GSTT4: variants seen among roughly 807,000 people sequenced by gnomAD.
GSTT4 encodes glutathione S-transferase theta-4.
At chr22:23,995,373 C>T (rs1250838144), downstream of GSTT4, among the ~76,000 whole-genome samples, 3 of 152,172 alleles carry the variant, frequency 2.0e-5, no homozygotes, top group African/African-American at 4.8e-5. Context: ...CAGTAGCGTA[C>T]ACTTCCTTGT....
chr22:23,989,687 G>A, the GSTT4 span, among the ~76,000 whole-genome samples: 43 of 151,318 alleles, frequency 2.8e-4, 1 homozygote, highest in Admixed American at 1.8e-3. Context: ...CTCAGCCCCC[G>A]GTGGCTCAGC....
At chr22:23,998,372 T>C (rs2146224521), downstream of GSTT4, 1 of 152,414 alleles carries the variant, frequency 6.6e-6, no homozygotes, top group East Asian at 1.9e-4. Flanking sequence ...ACCCTATGCA[T>C]ATGCCAACTG....
At chr22:23,989,877 T>C in the GSTT4 span, among the ~76,000 whole-genome samples, 75,016 of 146,458 alleles carry the variant, frequency 0.51, 16,766 homozygotes, top group South Asian at 0.61. Context: ...GTGGGCCTCT[T>C]TGCCCTTCTA....
chr22:23,993,471 A>G (rs1030636027), downstream of GSTT4, among the ~76,000 whole-genome samples: 2 of 151,668 alleles, frequency 1.3e-5, no homozygotes, highest in Non-Finnish European at 1.5e-5. Flanking sequence ...AATCAGACAG[A>G]GTTTATTTTC....
intron 4 of GSTT4, among the ~76,000 whole-genome samples, chr22:23,999,093 G>A (rs1485122821): frequency 6.6e-6 from 1 of 152,192 alleles, no homozygotes; most frequent in African/African-American, 2.4e-5. Flanking sequence ...GGATGAGGGA[G>A]AGAACTCAGG....
the GSTT4 span, among the ~76,000 whole-genome samples, chr22:23,991,004 C>CAATAGTAATAAT: frequency 1.3e-5 from 1 of 74,358 alleles, no homozygotes; most frequent in African/African-American, 4.0e-5. Context: ...GACCTCCTCT[C>CAATAGTAATAAT]AATAATAATA....
At chr22:24,003,593 A>G (rs1049627422) in intron 2 of GSTT4, among the ~76,000 whole-genome samples, 167 bp downstream of exon 2, 1 of 152,296 alleles carries the variant, frequency 6.6e-6, no homozygotes, top group Non-Finnish European at 1.5e-5. Flanking sequence ...GGCAAGAGTC[A>G]GAGCTGGGCG....
the GSTT4 span, among the ~76,000 whole-genome samples, chr22:23,991,913 C>T: frequency 2.8e-4 from 41 of 144,276 alleles, no homozygotes; most frequent in Admixed American, 2.0e-3. Context: ...ATTAGCCGGG[C>T]GGGGTGGCGG....
At chr22:24,000,806 C>T (rs2034213815) in intron 3 of GSTT4, among the ~76,000 whole-genome samples, 1 of 112,926 alleles carries the variant, frequency 8.9e-6, no homozygotes, top group South Asian at 3.1e-4. Flanking sequence ...AGTGATCTGC[C>T]CGCCTCGGCC....
At chr22:23,990,622 TAATAAATAAATA>T in the GSTT4 span, among the ~76,000 whole-genome samples, 2 of 66,494 alleles carry the variant, frequency 3.0e-5, no homozygotes, top group East Asian at 2.8e-4. Flanking sequence ...TGAGACACTG[TAATAAATAAATA>T]AATAAATAAA....
intron 4 of GSTT4, 80 bp from the exon 5 acceptor site, chr22:23,998,819 C>T (rs1361303753): frequency 8.8e-3 from 1,358 of 154,226 alleles, no homozygotes; most frequent in Non-Finnish European, 0.013. Flanking sequence ...CTCAGGCCCA[C>T]GTCCCTAACA....
intron 1 of GSTT4, chr22:24,004,526 C>A: frequency 6.5e-6 from 1 of 153,946 alleles, no homozygotes; most frequent in Non-Finnish European, 1.4e-5. Flanking sequence ...CTCTGACCCT[C>A]ACTCAGGGTT....
At chr22:23,989,739 CA>C in the GSTT4 span, among the ~76,000 whole-genome samples, 1 of 150,922 alleles carries the variant, frequency 6.6e-6, no homozygotes, top group East Asian at 2.0e-4. Context: ...GCTCCCTCCC[CA>C]CTGGGGGTTC....
chr22:24,003,258 C>A (rs2034275954), intron 2 of GSTT4, among the ~76,000 whole-genome samples: 1 of 152,014 alleles, frequency 6.6e-6, no homozygotes, highest in South Asian at 2.1e-4. Context: ...GTTGCCCACG[C>A]TGAAGTGCAA....
downstream of GSTT4, chr22:23,998,351 T>TCCCA (rs1474500085): frequency 6.6e-6 from 1 of 152,132 alleles, no homozygotes; most frequent in African/African-American, 2.4e-5. Flanking sequence ...CACCACCCAC[T>TCCCA]CCCACATCAG....
At chr22:23,997,255 T>G (rs2034125218), downstream of GSTT4, among the ~76,000 whole-genome samples, 1 of 152,132 alleles carries the variant, frequency 6.6e-6, no homozygotes, top group East Asian at 1.9e-4. Context: ...TTCTTCTATG[T>G]GCCCAGGCTG....
the GSTT4 span, among the ~76,000 whole-genome samples, chr22:23,992,010 G>A: frequency 1.5e-5 from 2 of 131,006 alleles, no homozygotes; most frequent in Admixed American, 9.2e-5. Flanking sequence ...CCGAGCTCAC[G>A]CCACTGCACT....
chr22:23,999,805 C>T (rs2034185997), intron 4 of GSTT4, among the ~76,000 whole-genome samples: 2 of 150,712 alleles, frequency 1.3e-5, no homozygotes, highest in South Asian at 2.1e-4. Context: ...ATGCAGTGTT[C>T]TTCTCTATCC....
the GSTT4 span, among the ~76,000 whole-genome samples, chr22:23,990,873 A>T: frequency 1.9e-3 from 128 of 66,674 alleles, no homozygotes; most frequent in Admixed American, 4.1e-3. Flanking sequence ...TCAAGCCTCT[A>T]TTAAAATAGA....
Sources: allele counts gnomAD v4.1 joint callset (sites outside exome capture counted in the v4.1 genomes callset), GRCh38; gene constraint gnomAD v4.1.1; transcripts MANE v1.5; gene names NCBI Gene and HGNC (gene_info 2026-07-23, HGNC 2026-07-21).